The following HDAC9 variants were observed in gnomAD, a reference collection of about 807,000 sequenced individuals.
The protein encoded by HDAC9 is MEF-2 interacting transcription repressor (MITR) protein.
Under a neutral mutation model 139.4 loss-of-function variants are expected in HDAC9, and 41 were observed. The ratio of observed to expected loss-of-function variants is 0.29; its 90% CI spans 0.23 to 0.38. The LOEUF is 0.38. Ranked by LOEUF, HDAC9 falls within the 10% of genes least tolerant of loss-of-function variation. The probability of loss-of-function intolerance (pLI) is 1.00; values close to 1 mark genes in which losing one functional copy is unlikely to be tolerated. For synonymous variants in HDAC9, 517 were observed against 476.2 expected, an observed-to-expected ratio of 1.09 and a Z score of -1.12; for missense variants, 1,147 against 1,297.0, an observed-to-expected ratio of 0.88 and a Z score of 1.78.
intron 1 of HDAC9, among the ~76,000 whole-genome samples, chr7:18,343,034 G>T (rs1782132712): frequency 6.6e-6 from 1 of 151,666 alleles, no homozygotes; most frequent in African/African-American, 2.4e-5. Flanking sequence ...CCGGAGAAAA[G>T]ATTCCCAGTA....
chr7:18,533,636 G>A, intron 2 of HDAC9, among the ~76,000 whole-genome samples: 1 of 151,990 alleles, frequency 6.6e-6, no homozygotes, highest in Admixed American at 6.6e-5. Flanking sequence ...TTGTATAACA[G>A]TGTATCTTAC....
At chr7:18,127,374 C>G (rs547013155) in intron 1 of HDAC9, 52 of 170,152 alleles carry the variant, frequency 3.1e-4, no homozygotes, top group African/African-American at 1.2e-3. Context: ...ATTTGGAAAC[C>G]TTAGTAGTGT....
chr7:18,891,650 A>G (rs1800692372), intron 22 of HDAC9, among the ~76,000 whole-genome samples: 1 of 152,094 alleles, frequency 6.6e-6, no homozygotes, highest in Admixed American at 6.6e-5. Flanking sequence ...TCCTTGTGTG[A>G]CTGACTTGAG....
chr7:18,904,671 G>C (rs1359626006), intron 22 of HDAC9, among the ~76,000 whole-genome samples: 2 of 146,044 alleles, frequency 1.4e-5, no homozygotes, highest in Non-Finnish European at 3.0e-5. Context: ...CGCCTCCCGG[G>C]TTCACGCCAT....
At chr7:18,816,033 A>G (rs2129194841) in intron 17 of HDAC9, among the ~76,000 whole-genome samples, 1 of 152,340 alleles carries the variant, frequency 6.6e-6, no homozygotes, top group Admixed American at 6.5e-5. Context: ...CGGAAATATT[A>G]TGCATATGGT....
intron 25 of HDAC9, among the ~76,000 whole-genome samples, chr7:18,978,663 CA>C (rs1784704674): frequency 6.6e-6 from 1 of 152,168 alleles, no homozygotes. Context: ...CGTCTGGTCA[CA>C]TATAGCATAC....
intron 11 of HDAC9, among the ~76,000 whole-genome samples, chr7:18,663,081 G>A (rs1337610228): frequency 1.3e-5 from 2 of 152,086 alleles, no homozygotes; most frequent in African/African-American, 2.4e-5. Flanking sequence ...GGGACAATAT[G>A]TAGTGAGAAT....
rs549463967 is a variant in HDAC9 at position 18,758,106 on chromosome 7, T to G, written c.2044-4051T>G. Among the ~76,000 whole-genome samples the G allele has an allele frequency of 9.2e-5, 14 of 152,262 alleles. No homozygotes were observed. The South Asian group carries it at 2.9e-3, about 32-fold the overall frequency. On this transcript the variant is annotated intron_variant, in intron 14 of 25. Transcript: ENST00000686413. ...ATGAACACAGTCCTACATCACAAAT[T>G]TCTTTATTAAGAAGGTGACAAAAGC...
intron 1 of HDAC9, among the ~76,000 whole-genome samples, chr7:18,446,814 G>A (rs1382608958): frequency 6.6e-6 from 1 of 152,000 alleles, no homozygotes; most frequent in South Asian, 2.1e-4. Flanking sequence ...TGTGTTAAAA[G>A]CTATAAATAC....
intron 22 of HDAC9, among the ~76,000 whole-genome samples, chr7:18,904,097 G>A (rs1801983342): frequency 6.6e-6 from 1 of 152,132 alleles, no homozygotes; most frequent in African/African-American, 2.4e-5. Context: ...ACAAGTACGA[G>A]CTTTAGCATT....
intron 1 of HDAC9, among the ~76,000 whole-genome samples, chr7:18,372,767 G>A (rs1178906219): frequency 6.6e-6 from 1 of 152,186 alleles, no homozygotes; most frequent in Non-Finnish European, 1.5e-5. Context: ...AGACTTGGTT[G>A]TGTTTGATGG....
intron 2 of HDAC9, among the ~76,000 whole-genome samples, chr7:18,553,948 G>A (rs1373277241): frequency 6.6e-6 from 1 of 152,116 alleles, no homozygotes; most frequent in African/African-American, 2.4e-5. Context: ...ATGAAGGGAG[G>A]GTGGGACACT....
At chr7:18,307,134 TG>T (rs1562861111) in intron 1 of HDAC9, among the ~76,000 whole-genome samples, 9,092 of 149,090 alleles carry the variant, frequency 0.061, 752 homozygotes, top group African/African-American at 0.2. Context: ...TGTGTGTGTG[TG>T]TGTGTGTGTT....
intron 1 of HDAC9, among the ~76,000 whole-genome samples, chr7:18,396,508 G>A (rs908230010): frequency 4.0e-5 from 6 of 151,898 alleles, no homozygotes; most frequent in South Asian, 2.1e-4. Flanking sequence ...CACCTTCTCC[G>A]TATATTCTCC....
intron 21 of HDAC9, among the ~76,000 whole-genome samples, chr7:18,859,797 A>C (rs1162596953): frequency 8.2e-6 from 1 of 121,566 alleles, no homozygotes; most frequent in East Asian, 2.4e-4. Flanking sequence ...AAGAAATATA[A>C]AGGCTAACGC....
intron 25 of HDAC9, among the ~76,000 whole-genome samples, chr7:18,990,447 T>C (rs1272481300): frequency 1.3e-5 from 2 of 152,248 alleles, no homozygotes; most frequent in Non-Finnish European, 2.9e-5. Context: ...ACTGCTCTCT[T>C]CAATGCTGTC....
At chr7:18,591,934 G>T (rs1392054331) in intron 5 of HDAC9, among the ~76,000 whole-genome samples, 2 of 152,154 alleles carry the variant, frequency 1.3e-5, no homozygotes, top group Admixed American at 6.6e-5. Flanking sequence ...AAGTATATAT[G>T]TTCTTTGATG....
intron 1 of HDAC9, among the ~76,000 whole-genome samples, chr7:18,480,368 A>G (rs535353119): frequency 2.6e-5 from 4 of 152,312 alleles, no homozygotes; most frequent in Admixed American, 2.6e-4. Flanking sequence ...AACACATAAC[A>G]ATATTTTAAC....
chr7:18,853,140 G>A (rs1385555868), intron 21 of HDAC9, among the ~76,000 whole-genome samples: 2 of 152,068 alleles, frequency 1.3e-5, no homozygotes, highest in Non-Finnish European at 2.9e-5. Context: ...GCTTTAATGT[G>A]GTTCACGTGT....
Sources: gnomAD v4.1 joint callset for allele counts (sites outside exome capture counted in the v4.1 genomes callset) on GRCh38, gnomAD v4.1.1 for gene constraint, MANE v1.5 for transcripts, NCBI Gene and HGNC (gene_info 2026-07-23, HGNC 2026-07-21) for gene names.